RNF150: variants seen among roughly 807,000 people sequenced by gnomAD.
The protein encoded by RNF150 is ring finger protein 150.
In RNF150, 24 loss-of-function variants were observed where a neutral mutation model predicts 39.3. That is an observed-to-expected ratio of 0.61 (90% CI 0.44 to 0.86). The LOEUF (loss-of-function observed/expected upper bound fraction) is 0.86. RNF150 is among the 40% of genes least tolerant of loss of function. The probability of loss-of-function intolerance (pLI) is 0.00; values close to 1 mark genes in which losing one functional copy is unlikely to be tolerated. For missense variants in RNF150, 502 were observed against 587.8 expected, an observed-to-expected ratio of 0.85 and a Z score of 1.51; for synonymous variants, 255 against 227.3, an observed-to-expected ratio of 1.12 and a Z score of -1.10.
rs1395158461 is a variant in RNF150 at position 140,865,541 on chromosome 4, CTTTTTTTTTTTCTTTTTTT to C, written c.*2701_*2719del. ...CTGAAAGAGAAACTTTCTGGTTAAGCTTTTTTTTTTTCTTTTTTTTTTTTTTTTTAAACTATCAAAGCTA... is the reference window on the plus strand; with the variant it reads ...CTGAAAGAGAAACTTTCTGGTTAAGCTTTTTTTTTTAAACTATCAAAGCTA... On this transcript the variant is annotated 3_prime_UTR_variant, in exon 7 of 7. Coordinates refer to ENST00000515673, the MANE Select transcript of RNF150 (RefSeq NM_020724.2). 1 of 138,762 alleles carries C rather than the reference CTTTTTTTTTTTCTTTTTTT, an allele frequency of 7.2e-6. No homozygotes were observed. The highest frequency in any genetic ancestry group is 2.7e-5 in the African/African-American group (1 of 37,392). The allele number at this position is 138,762 out of a possible 1,614,324, so 8.6% of individuals were successfully genotyped here.
At chr4:140,886,394 T>C (rs1353801786) in intron 6 of RNF150, among the ~76,000 whole-genome samples, 2 of 152,050 alleles carry the variant, frequency 1.3e-5, no homozygotes, top group Non-Finnish European at 1.5e-5. Flanking sequence ...AAAGCTGAAC[T>C]AGGCATCCCA....
intron 1 of RNF150, among the ~76,000 whole-genome samples, chr4:141,127,131 C>A (rs1726774499): frequency 7.2e-6 from 1 of 139,846 alleles, no homozygotes; most frequent in Admixed American, 7.1e-5. Flanking sequence ...AGCAGACAGA[C>A]CACCTGGGTT....
chr4:140,984,791 G>T (rs1733969774), intron 1 of RNF150, among the ~76,000 whole-genome samples: 1 of 152,024 alleles, frequency 6.6e-6, no homozygotes, highest in Non-Finnish European at 1.5e-5. Flanking sequence ...TAAAAAAGTG[G>T]GTGTATAAAT....
intron 1 of RNF150, among the ~76,000 whole-genome samples, chr4:141,044,200 C>T (rs1368206905): frequency 2.0e-5 from 3 of 152,152 alleles, no homozygotes; most frequent in Non-Finnish European, 4.4e-5. Context: ...CATGCACATA[C>T]ACATATAATG....
rs569789014 is a variant in RNF150, at chr4:140,958,344, C to T, written c.736-8972G>A. On this transcript the variant is annotated intron_variant, in intron 2 of 6. Transcript: ENST00000515673. ...CTTCTAAAGCCGGAAAGGGCCAGCG[C>T]TCAGTGTTGAATGGTCAAGAGTTGC... is the stretch of plus-strand genomic sequence containing the variant. 6.6e-5 allele frequency among the ~76,000 whole-genome samples: 10 copies of T among 152,104 alleles called. No individual in the cohort carries two copies. In the East Asian group the frequency reaches 1.7e-3, roughly 27 times the overall value.
At chr4:140,911,992 TAGAATC>T (rs1730626275) in intron 5 of RNF150, among the ~76,000 whole-genome samples, 1 of 152,232 alleles carries the variant, frequency 6.6e-6, no homozygotes. Flanking sequence ...ATTAAATTCT[TAGAATC>T]ATAAGACTAT....
chr4:141,183,139 C>G (rs1200258601), intron 1 of RNF150, among the ~76,000 whole-genome samples: 2 of 152,022 alleles, frequency 1.3e-5, no homozygotes, highest in Admixed American at 1.3e-4. Flanking sequence ...GCATAAGACC[C>G]CAAGAAGCAG....
At chr4:141,021,805 T>C (rs921344558) in intron 1 of RNF150, among the ~76,000 whole-genome samples, 5 of 152,222 alleles carry the variant, frequency 3.3e-5, no homozygotes, top group Non-Finnish European at 7.4e-5. Flanking sequence ...AATCAGGCTA[T>C]TGGTCATGCC....
intron 1 of RNF150, among the ~76,000 whole-genome samples, chr4:141,025,908 G>T (rs969209912): frequency 1.3e-5 from 2 of 152,102 alleles, no homozygotes; most frequent in Non-Finnish European, 2.9e-5. Context: ...ATGATATTTG[G>T]ACGTAGGGCC....
intron 1 of RNF150, among the ~76,000 whole-genome samples, chr4:141,209,696 T>TA: frequency 6.6e-6 from 1 of 152,252 alleles, no homozygotes; most frequent in Non-Finnish European, 1.5e-5. Flanking sequence ...GATTCATAGT[T>TA]AAAACCAAAT....
chr4:141,120,992 CTCAG>C (rs1319406037), intron 1 of RNF150, among the ~76,000 whole-genome samples: 1 of 75,644 alleles, frequency 1.3e-5, no homozygotes, highest in Non-Finnish European at 3.5e-5. Context: ...ATAGCTTGGA[CTCAG>C]TTGGTGACAA....
intron 1 of RNF150, among the ~76,000 whole-genome samples, chr4:141,048,006 T>C (rs1379548382): frequency 6.6e-6 from 1 of 152,094 alleles, no homozygotes; most frequent in Non-Finnish European, 1.5e-5. Context: ...CGTCTGTGAG[T>C]GTGCTACCAT....
intron 1 of RNF150, among the ~76,000 whole-genome samples, chr4:141,034,531 T>C (rs1471024287): frequency 1.3e-5 from 2 of 152,186 alleles, no homozygotes. Flanking sequence ...GTAAACTGTT[T>C]GGTTTAAGAG....
chr4:141,134,863 G>A (rs1727001295), upstream of RNF150, among the ~76,000 whole-genome samples: 1 of 152,202 alleles, frequency 6.6e-6, no homozygotes, highest in Non-Finnish European at 1.5e-5. Flanking sequence ...TAGGTTCTGA[G>A]CAGTTGCCTT....
intron 1 of RNF150, among the ~76,000 whole-genome samples, chr4:141,158,247 T>G (rs1360894346): frequency 2.0e-5 from 3 of 152,094 alleles, no homozygotes; most frequent in Non-Finnish European, 4.4e-5. Flanking sequence ...GCAAAGATAG[T>G]GCCACTGCAC....
At chr4:141,117,160 G>C (rs1056912818) in intron 1 of RNF150, among the ~76,000 whole-genome samples, 1 of 151,920 alleles carries the variant, frequency 6.6e-6, no homozygotes, top group Non-Finnish European at 1.5e-5. Context: ...AAATATATAC[G>C]TACAAAAGAG....
chr4:141,199,511 C>T (rs923334084), intron 1 of RNF150, among the ~76,000 whole-genome samples: 1 of 152,152 alleles, frequency 6.6e-6, no homozygotes, highest in Non-Finnish European at 1.5e-5. Context: ...TGAAACAGTA[C>T]TCAGCAGTAG....
intron 1 of RNF150, among the ~76,000 whole-genome samples, chr4:141,028,415 C>A (rs1398543309): frequency 2.0e-5 from 3 of 152,178 alleles, no homozygotes; most frequent in Admixed American, 6.5e-5. Flanking sequence ...CCTACTTTTG[C>A]CAACAGCTTG....
intron 5 of RNF150, among the ~76,000 whole-genome samples, chr4:140,921,765 C>G (rs1266215230): frequency 1.3e-5 from 2 of 152,176 alleles, no homozygotes; most frequent in Non-Finnish European, 2.9e-5. Context: ...AAAAGCTTAT[C>G]CACTAAGATC....
Sources: gnomAD v4.1 joint callset for allele counts (sites outside exome capture counted in the v4.1 genomes callset) on GRCh38, gnomAD v4.1.1 for gene constraint, MANE v1.5 for transcripts, NCBI Gene and HGNC (gene_info 2026-07-23, HGNC 2026-07-21) for gene names.